ERBB4: variants seen among roughly 807,000 people sequenced by gnomAD.
ERBB4 encodes erb-b2 receptor tyrosine kinase 4, also known as receptor tyrosine-protein kinase erbB-4.
A neutral mutation model predicts 158.0 loss-of-function variants in ERBB4; 42 were observed. That is an observed-to-expected ratio of 0.27 (90% confidence interval 0.21 to 0.34). ERBB4 has a LOEUF of 0.34. Ranked by LOEUF, ERBB4 falls within the 10% of genes least tolerant of loss-of-function variation. ERBB4 has a pLI of 1.00. For missense variants in ERBB4, 1,333 were observed against 1,624.1 expected, an observed-to-expected ratio of 0.82 and a Z score of 3.08; for synonymous variants, 583 against 558.7, an observed-to-expected ratio of 1.04 and a Z score of -0.61.
At chr2:212,396,905 G>A (rs2091043783) in intron 1 of ERBB4, among the ~76,000 whole-genome samples, 1 of 152,036 alleles carries the variant, frequency 6.6e-6, no homozygotes, top group African/African-American at 2.4e-5. Flanking sequence ...AAATAAGAAT[G>A]TGTCTGTACA....
chr2:212,207,421 T>C (rs537891232), intron 1 of ERBB4, among the ~76,000 whole-genome samples: 1 of 152,298 alleles, frequency 6.6e-6, no homozygotes, highest in African/African-American at 2.4e-5. Flanking sequence ...TGTTTCTATA[T>C]GATAATATAT....
intron 20 of ERBB4, among the ~76,000 whole-genome samples, chr2:211,440,577 G>C (rs1179485531): frequency 2.0e-5 from 3 of 152,056 alleles, no homozygotes; most frequent in Non-Finnish European, 4.4e-5. Context: ...GCATGCTACT[G>C]GTGGAAAACC....
At chr2:212,132,129 A>G (rs2080123577) in intron 1 of ERBB4, among the ~76,000 whole-genome samples, 1 of 152,174 alleles carries the variant, frequency 6.6e-6, no homozygotes, top group Non-Finnish European at 1.5e-5. Context: ...AAGTTATAGG[A>G]TATCAAGGAG....
intron 1 of ERBB4, among the ~76,000 whole-genome samples, chr2:212,205,193 C>T (rs185189323): frequency 7.2e-4 from 110 of 151,900 alleles, no homozygotes; most frequent in African/African-American, 2.6e-3. Flanking sequence ...CAGAGTCCTG[C>T]TTTGCCACTC....
chr2:212,360,116 A>G (rs1473831181), intron 1 of ERBB4, among the ~76,000 whole-genome samples: 1 of 151,776 alleles, frequency 6.6e-6, no homozygotes, highest in African/African-American at 2.4e-5. Flanking sequence ...CTGACACCTC[A>G]CTGTCCCTAA....
intron 1 of ERBB4, among the ~76,000 whole-genome samples, chr2:212,534,879 T>C (rs990814041): frequency 6.6e-6 from 1 of 152,200 alleles, no homozygotes; most frequent in African/African-American, 2.4e-5. Flanking sequence ...CAATGCAAAC[T>C]TACTGTGTTC....
intron 2 of ERBB4, among the ~76,000 whole-genome samples, chr2:212,038,820 G>C (rs1277338960): frequency 6.6e-6 from 1 of 152,080 alleles, no homozygotes; most frequent in Non-Finnish European, 1.5e-5. Flanking sequence ...GTAAGGAAAT[G>C]CCTTTTCTTA....
chr2:211,575,865 T>C (rs2067875727), intron 19 of ERBB4, among the ~76,000 whole-genome samples: 1 of 152,194 alleles, frequency 6.6e-6, no homozygotes, highest in African/African-American at 2.4e-5. Context: ...TTATGTAGGA[T>C]AATTTATATG....
At chr2:212,344,448 T>C (rs1457944279) in intron 1 of ERBB4, among the ~76,000 whole-genome samples, 2 of 151,042 alleles carry the variant, frequency 1.3e-5, no homozygotes, top group Non-Finnish European at 2.9e-5. Flanking sequence ...AACACAAAGA[T>C]AGCTACCATA....
intron 1 of ERBB4, among the ~76,000 whole-genome samples, chr2:212,172,919 G>C (rs1008158031): frequency 6.6e-6 from 1 of 152,014 alleles, no homozygotes; most frequent in Non-Finnish European, 1.5e-5. Context: ...TCTATATCCT[G>C]CACATGTATC....
At chr2:211,455,507 G>T (rs1349380113) in intron 20 of ERBB4, among the ~76,000 whole-genome samples, 1 of 151,728 alleles carries the variant, frequency 6.6e-6, no homozygotes, top group African/African-American at 2.4e-5. Context: ...TAGAACAAGG[G>T]GAAAAAAGGG....
At chr2:212,280,540 CCAAT>C (rs1341095781) in intron 1 of ERBB4, among the ~76,000 whole-genome samples, 1 of 151,570 alleles carries the variant, frequency 6.6e-6, no homozygotes, top group Non-Finnish European at 1.5e-5. Context: ...CAAATTTGGG[CCAAT>C]CACCTTTTAG....
At position 212,191,706 on chromosome 2, in the gene ERBB4, T is replaced by C. The variant is rs146367990; in HGVS notation, c.83-66803A>G. Among the ~76,000 whole-genome samples the C allele has an allele frequency of 2.6e-3, 372 of 145,284 alleles. 34 individuals are homozygous for C. Among genetic ancestry groups the C allele is most frequent in the African/African-American group, 8.9e-3 (343 of 38,550 alleles). ...TTATACATGTTACATATAACACGTG[T>C]TATACATGTTACATATAACACGTGT... On this transcript the variant is annotated intron_variant, in intron 1 of 27. Transcript: ENST00000342788.
At chr2:212,293,855 A>C (rs890639277) in intron 1 of ERBB4, among the ~76,000 whole-genome samples, 10 of 124,806 alleles carry the variant, frequency 8.0e-5, no homozygotes, top group Middle Eastern at 4.5e-3. Flanking sequence ...CTCAAAAAAA[A>C]AAACAAAAAA....
chr2:211,550,279 T>C (rs2067050912), intron 20 of ERBB4, among the ~76,000 whole-genome samples: 1 of 152,002 alleles, frequency 6.6e-6, no homozygotes, highest in African/African-American at 2.4e-5. Context: ...ATTCATCATA[T>C]AACTGCAAGT....
At chr2:212,188,762 T>C (rs772200097) in intron 1 of ERBB4, among the ~76,000 whole-genome samples, 1 of 151,970 alleles carries the variant, frequency 6.6e-6, no homozygotes, top group Non-Finnish European at 1.5e-5. Flanking sequence ...TCATCTTCCT[T>C]CAAGATTCCT....
At chr2:212,191,591 TAACACATGTGTTATGCCTGTTATATATAA>T in intron 1 of ERBB4, among the ~76,000 whole-genome samples, 1 of 144,250 alleles carries the variant, frequency 6.9e-6, no homozygotes, top group East Asian at 2.0e-4. Context: ...CTGTTATATA[TAACACATGTGTTATGCCTGTTATATATAA>T]CACATGTGTT....
At position 211,493,119 on chromosome 2, in the gene ERBB4, G is replaced by C. The variant is rs943927122; in HGVS notation, c.2488-62019C>G. 1.3e-5 allele frequency among the ~76,000 whole-genome samples: 2 copies of C among 152,108 alleles called. 1 individual carries two copies. The highest frequency in any genetic ancestry group is 4.8e-5 in the African/African-American group (2 of 41,446). ...TGAATGCCAAACTATTACGTAATTT[G>C]AGAGATTATCAACCAGCTTTCCATT... On this transcript the variant is annotated intron_variant, in intron 20 of 27. Transcript: ENST00000342788.
intron 27 of ERBB4, among the ~76,000 whole-genome samples, chr2:211,386,220 A>C (rs2062682123): frequency 6.6e-6 from 1 of 152,164 alleles, no homozygotes; most frequent in Non-Finnish European, 1.5e-5. Context: ...GGTGCTTAAC[A>C]TTTCTACTAC....
Sources: allele counts gnomAD v4.1 joint callset (sites outside exome capture counted in the v4.1 genomes callset), GRCh38; gene constraint gnomAD v4.1.1; transcripts MANE v1.5; gene names NCBI Gene and HGNC (gene_info 2026-07-23, HGNC 2026-07-21).